The following PIP5K1B variants were observed in gnomAD, a reference collection of about 807,000 sequenced individuals.
The protein encoded by PIP5K1B is phosphatidylinositol 4-phosphate 5-kinase type-1 beta.
A neutral mutation model predicts 67.0 loss-of-function variants in PIP5K1B; 42 were observed. That is an observed-to-expected ratio of 0.63 (90% CI 0.49 to 0.81). The LOEUF is 0.81. PIP5K1B is among the 30% of genes least tolerant of loss of function. The pLI, the probability that PIP5K1B is intolerant of heterozygous loss-of-function variation, is 0.00. For missense variants in PIP5K1B, 459 were observed against 646.3 expected (o/e 0.71, Z 3.14); for synonymous variants, 214 against 231.4 (o/e 0.92, Z 0.68).
At chr9:68,815,087 A>T (rs532526383) in intron 2 of PIP5K1B, among the ~76,000 whole-genome samples, 1 of 152,260 alleles carries the variant, frequency 6.6e-6, no homozygotes, top group East Asian at 1.9e-4. Flanking sequence ...AATAAGTAAA[A>T]TGTAAATGCT....
rs36028796 is a variant in PIP5K1B at position 68,767,593 on chromosome 9, TAAAAAAA to T, written c.-86+24950_-86+24956del. 4.7e-3 allele frequency among the ~76,000 whole-genome samples: 599 copies of T among 128,400 alleles called. 2 individuals carry two copies. The highest frequency in any genetic ancestry group is 7.2e-3 in the Non-Finnish European group (443 of 61,724). The allele number at this position is 128,400 out of a possible 152,430, so 84.2% of individuals were successfully genotyped here. ...TGGGTGACAGAGCAAGACTCTGTCT[TAAAAAAA>T]AAAAAAAAAAAAAGAAAAAGAAATA... On this transcript the variant is annotated intron_variant, in intron 2 of 15. Transcript: ENST00000265382.
intron 1 of PIP5K1B, among the ~76,000 whole-genome samples, chr9:68,710,609 A>G (rs1056005554): frequency 2.0e-5 from 3 of 152,204 alleles, no homozygotes; most frequent in African/African-American, 4.8e-5. Context: ...ACAGGAAAAC[A>G]CAGGAATCCT....
chr9:68,869,830 A>G (rs1564195563), intron 5 of PIP5K1B, among the ~76,000 whole-genome samples: 1 of 152,142 alleles, frequency 6.6e-6, no homozygotes, highest in Non-Finnish European at 1.5e-5. Flanking sequence ...TAATAAAAAT[A>G]AAAATAAATA....
chr9:68,709,559 A>G (rs2151418), intron 1 of PIP5K1B, among the ~76,000 whole-genome samples: 83,480 of 151,384 alleles, frequency 0.55, 23,264 homozygotes, highest in East Asian at 0.69. Flanking sequence ...TCTATTCACT[A>G]TGATTCTTCT....
chr9:68,938,583 C>T (rs1827392487), intron 13 of PIP5K1B, among the ~76,000 whole-genome samples: 1 of 152,034 alleles, frequency 6.6e-6, no homozygotes, highest in African/African-American at 2.4e-5. Flanking sequence ...GGCATTTAGC[C>T]CATTTATATT....
At chr9:68,775,528 G>C (rs991764629) in intron 2 of PIP5K1B, among the ~76,000 whole-genome samples, 12 of 152,166 alleles carry the variant, frequency 7.9e-5, no homozygotes, top group Admixed American at 7.9e-4. Flanking sequence ...AGGGAGCATA[G>C]ACAGCATGGA....
chr9:68,873,474 G>C (rs1349139461), intron 5 of PIP5K1B, among the ~76,000 whole-genome samples: 1 of 151,720 alleles, frequency 6.6e-6, no homozygotes, highest in Non-Finnish European at 1.5e-5. Context: ...TTTTCATAGA[G>C]ACAGGGTTTC....
intron 8 of PIP5K1B, among the ~76,000 whole-genome samples, chr9:68,903,623 GGGAAT>G (rs1825471046): frequency 6.6e-6 from 1 of 152,144 alleles, no homozygotes; most frequent in African/African-American, 2.4e-5. Context: ...GCTGAAAGTA[GGGAAT>G]GGAAATGAGC....
intron 14 of PIP5K1B, among the ~76,000 whole-genome samples, chr9:68,942,411 A>G (rs1482067187): frequency 6.6e-6 from 1 of 152,034 alleles, no homozygotes; most frequent in Non-Finnish European, 1.5e-5. Context: ...ATTTCGTGAG[A>G]TTTTCAGCCA....
intron 14 of PIP5K1B, among the ~76,000 whole-genome samples, chr9:68,980,103 G>A (rs1829828248): frequency 6.6e-6 from 1 of 152,214 alleles, no homozygotes; most frequent in Admixed American, 6.5e-5. Context: ...AGGAGCATGA[G>A]ATGTGCCACA....
At chr9:69,007,198 T>G (rs913823255) in intron 15 of PIP5K1B, among the ~76,000 whole-genome samples, 3 of 152,328 alleles carry the variant, frequency 2.0e-5, no homozygotes, top group African/African-American at 7.2e-5. Flanking sequence ...AGATAAAATA[T>G]TAATTGTTAA....
At chr9:68,814,489 A>G (rs371851214) in intron 2 of PIP5K1B, among the ~76,000 whole-genome samples, 32 of 152,312 alleles carry the variant, frequency 2.1e-4, no homozygotes, top group African/African-American at 7.2e-4. Flanking sequence ...AACATGGCAA[A>G]ACTATAATTA....
At chr9:68,772,848 C>A (rs10511964) in intron 2 of PIP5K1B, among the ~76,000 whole-genome samples, 67,112 of 151,934 alleles carry the variant, frequency 0.44, 15,212 homozygotes, top group Non-Finnish European at 0.49. Context: ...TAGTGGAAAA[C>A]GGGTAGGATC....
rs541346268 is a variant in PIP5K1B at position 68,730,447 on chromosome 9, C to T, written c.-242-12054C>T. Among the ~76,000 whole-genome samples, 3 of 152,308 alleles carry T rather than the reference C, an allele frequency of 2.0e-5. No individual in the cohort carries two copies. The East Asian group carries it at 5.8e-4, about 29-fold the overall frequency. On this transcript the variant is annotated intron_variant, in intron 1 of 15. Transcript: ENST00000265382. ...CTCAAGACTAATTGAAACTAACATT[C>T]ATTCCCAAAAAGTAAGCCATGTCAG...
intron 13 of PIP5K1B, among the ~76,000 whole-genome samples, chr9:68,939,274 C>G (rs1204637802): frequency 6.6e-6 from 1 of 152,204 alleles, no homozygotes; most frequent in Non-Finnish European, 1.5e-5. Context: ...AGTCACTGGA[C>G]AGATGTGTTT....
chr9:68,979,071 T>G (rs537367196), intron 14 of PIP5K1B, among the ~76,000 whole-genome samples: 1 of 152,362 alleles, frequency 6.6e-6, no homozygotes, highest in South Asian at 2.1e-4. Context: ...GATTTGTCAT[T>G]GGGAAATGGA....
chr9:68,841,372 A>G (rs891646730), intron 4 of PIP5K1B, among the ~76,000 whole-genome samples: 1 of 152,158 alleles, frequency 6.6e-6, no homozygotes. Context: ...CCACAGAACC[A>G]TTTGCTATAT....
At chr9:69,007,204 G>A (rs1831123911) in intron 15 of PIP5K1B, among the ~76,000 whole-genome samples, 1 of 152,160 alleles carries the variant, frequency 6.6e-6, no homozygotes, top group Admixed American at 6.6e-5. Context: ...AATATTAATT[G>A]TTAAACAGAA....
intron 5 of PIP5K1B, among the ~76,000 whole-genome samples, chr9:68,867,147 C>A (rs1322611066): frequency 2.0e-5 from 3 of 150,736 alleles, no homozygotes; most frequent in Admixed American, 6.6e-5. Flanking sequence ...ATCTTCCCTT[C>A]AAAAAAAAAT....
Sources: gnomAD v4.1 joint callset for allele counts (sites outside exome capture counted in the v4.1 genomes callset) on GRCh38, gnomAD v4.1.1 for gene constraint, MANE v1.5 for transcripts, NCBI Gene and HGNC (gene_info 2026-07-23, HGNC 2026-07-21) for gene names.